The following PINX1 variants were observed in gnomAD, a reference collection of about 807,000 sequenced individuals.
PINX1 encodes the protein PIN2/TERF1-interacting telomerase inhibitor 1.
A neutral mutation model predicts 25.4 loss-of-function variants in PINX1; 34 were observed. The observed-to-expected ratio is 1.34, with a 90% confidence interval of 1.02 to 1.78. The LOEUF is 1.78. Ranked by LOEUF, PINX1 falls within the 40% of genes most tolerant of loss-of-function variation. The pLI, the probability that PINX1 is intolerant of heterozygous loss-of-function variation, is 0.00. For missense variants in PINX1, 592 were observed against 404.9 expected (o/e 1.46, Z -3.97); for synonymous variants, 197 against 147.7 (o/e 1.33, Z -2.42).
intron 6 of PINX1, among the ~76,000 whole-genome samples, chr8:10,767,210 T>C (rs1025752408): frequency 4.6e-5 from 7 of 152,192 alleles, no homozygotes; most frequent in Non-Finnish European, 8.8e-5. Flanking sequence ...AGGTTCTGCT[T>C]GTGCAGGTAA....
intron 6 of PINX1, among the ~76,000 whole-genome samples, chr8:10,816,866 G>A (rs1383522450): frequency 6.6e-6 from 1 of 152,184 alleles, no homozygotes; most frequent in Non-Finnish European, 1.5e-5. Context: ...CCATTTTGGA[G>A]CATTCTAACA....
chr8:10,779,641 A>G (rs1392223216), intron 6 of PINX1, among the ~76,000 whole-genome samples: 2 of 152,214 alleles, frequency 1.3e-5, no homozygotes, highest in African/African-American at 4.8e-5. Context: ...TGATATTTTA[A>G]TGCTTTTATT....
chr8:10,812,968 G>A (rs892024232), intron 6 of PINX1, among the ~76,000 whole-genome samples: 5 of 152,236 alleles, frequency 3.3e-5, no homozygotes, highest in Non-Finnish European at 5.9e-5. Context: ...AGAAGTAAAT[G>A]ACTGTACATA....
chr8:10,834,242 T>G (rs1798323509), intron 2 of PINX1: 1 of 157,774 alleles, frequency 6.3e-6, no homozygotes, highest in African/African-American at 2.4e-5. Context: ...ACAGAAGTAT[T>G]TCAAGGAGAG....
intron 6 of PINX1, among the ~76,000 whole-genome samples, chr8:10,818,420 G>C (rs1445401931): frequency 6.6e-6 from 1 of 152,144 alleles, no homozygotes; most frequent in African/African-American, 2.4e-5. Flanking sequence ...TTCTCAAACA[G>C]AAATCTGCCA....
intron 6 of PINX1, among the ~76,000 whole-genome samples, chr8:10,788,863 C>T (rs756076885): frequency 2.0e-5 from 3 of 152,150 alleles, no homozygotes; most frequent in South Asian, 2.1e-4. Flanking sequence ...CGCCAGAGAC[C>T]GCTACTAATG....
At chr8:10,821,473 C>A (rs1246380560) in intron 5 of PINX1, among the ~76,000 whole-genome samples, 2 of 152,222 alleles carry the variant, frequency 1.3e-5, no homozygotes, top group Non-Finnish European at 2.9e-5. Context: ...GCTCTCCTTC[C>A]TACCTGAGCT....
chr8:10,789,653 G>A (rs1026938430), intron 6 of PINX1, among the ~76,000 whole-genome samples: 6 of 152,184 alleles, frequency 3.9e-5, no homozygotes, highest in Non-Finnish European at 5.9e-5. Flanking sequence ...CATGTCACAG[G>A]CCCAGTGGCA....
intron 1 of PINX1, among the ~76,000 whole-genome samples, chr8:10,837,257 A>AAGG (rs769043037): frequency 6.6e-6 from 1 of 152,180 alleles, no homozygotes; most frequent in Non-Finnish European, 1.5e-5. Context: ...CGAGTCTCTC[A>AAGG]CTAGCTTCCC....
intron 5 of PINX1, 180 bp from the exon 6 acceptor site, chr8:10,820,449 T>C: frequency 1.5e-6 from 1 of 649,404 alleles, no homozygotes; most frequent in South Asian, 1.7e-5. Flanking sequence ...ACAAAATTAA[T>C]TAAATTTTAA....
At chr8:10,790,796 A>T (rs951049551) in intron 6 of PINX1, among the ~76,000 whole-genome samples, 1 of 152,192 alleles carries the variant, frequency 6.6e-6, no homozygotes, top group Middle Eastern at 3.4e-3. Flanking sequence ...ATGCAAAAGC[A>T]ACCAGCCCCG....
chr8:10,825,191 G>A lies in PINX1; in HGVS notation c.394+961C>T, dbSNP rs570269155. 3.9e-5 allele frequency among the ~76,000 whole-genome samples: 6 copies of A among 152,332 alleles called. No homozygotes were observed. In the South Asian group the frequency reaches 1.2e-3, roughly 32 times the overall value. On this transcript the variant is annotated intron_variant, in intron 5 of 6. Transcript: ENST00000314787. ...TGAAAAGCATCATCAATACTTCAGA[G>A]TAGTGGGGATTCCAGCTCCCACTGC...
At chr8:10,827,344 AAC>A (rs1427937280) in intron 4 of PINX1, among the ~76,000 whole-genome samples, 1 of 152,178 alleles carries the variant, frequency 6.6e-6, no homozygotes, top group Non-Finnish European at 1.5e-5. Context: ...AAGGAGCAGG[AAC>A]ACACCATTGA....
chr8:10,774,486 G>C lies in PINX1; in HGVS notation c.472-8570C>G, dbSNP rs550452765. ...AGTAGAGACAGGGTTTCTCCATGTT[G>C]GTCAGGCTGGTCTCGAACTCCCGAC... On this transcript the variant is annotated intron_variant, in intron 6 of 6. Coordinates refer to ENST00000314787, the MANE Select transcript of PINX1 (RefSeq NM_017884.6). Among the ~76,000 whole-genome samples the C allele has an allele frequency of 4.0e-4, 61 of 152,200 alleles. 1 individual carries two copies. In the South Asian group the frequency reaches 0.013, roughly 32 times the overall value.
intron 5 of PINX1, chr8:10,825,589 G>T (rs567643027): frequency 7.6e-6 from 3 of 392,870 alleles, no homozygotes; most frequent in Non-Finnish European, 1.6e-5. Flanking sequence ...GGTGATGAAG[G>T]AATAGGAATT....
chr8:10,826,720 G>T (rs1798061773), intron 4 of PINX1, among the ~76,000 whole-genome samples: 1 of 152,216 alleles, frequency 6.6e-6, no homozygotes, highest in African/African-American at 2.4e-5. Flanking sequence ...AAACTCCAGG[G>T]CATTGTGCTT....
At chr8:10,830,263 A>G (rs550573329) in intron 4 of PINX1, among the ~76,000 whole-genome samples, 1 of 152,338 alleles carries the variant, frequency 6.6e-6, no homozygotes, top group African/African-American at 2.4e-5. Flanking sequence ...ATTCCAACAA[A>G]AAGTCCAATC....
intron 4 of PINX1, among the ~76,000 whole-genome samples, chr8:10,829,842 G>A (rs1423502081): frequency 6.6e-6 from 1 of 152,088 alleles, no homozygotes; most frequent in Non-Finnish European, 1.5e-5. Flanking sequence ...ACGCCACCAC[G>A]CCCAGCTAAT....
At position 10,765,537 on chromosome 8, in the gene PINX1, G is replaced by A. The variant is rs573913940; in HGVS notation, c.851C>T (p.Pro284Leu). ...AQDAGDHVQP[P>L]EGRDFTLKPK... ...CTTCAGGGTGAAGTCCCGGCCCTCAGGCGGCTGCACATGGTCCCCTGCATC... is the reference window on the plus strand; with the variant it reads ...CTTCAGGGTGAAGTCCCGGCCCTCAAGCGGCTGCACATGGTCCCCTGCATC... The change falls in exon 7 of 7, where the codon CCT becomes CTT. Residue 284 changes from proline (P) to leucine (L), a missense_variant. Transcript: ENST00000314787. 8 of 1,613,730 alleles carry A rather than the reference G, an allele frequency of 5.0e-6. No individual in the cohort carries two copies. In the South Asian group the frequency reaches 7.7e-5, roughly 16 times the overall value.
Sources: allele counts gnomAD v4.1 joint callset (sites outside exome capture counted in the v4.1 genomes callset), GRCh38; gene constraint gnomAD v4.1.1; transcripts MANE v1.5; gene names NCBI Gene and HGNC (gene_info 2026-07-23, HGNC 2026-07-21).